Variants in RNF213 observed in about 807,000 individuals in gnomAD.
The protein encoded by RNF213 is ring finger protein 213.
A neutral mutation model predicts 514.4 loss-of-function variants in RNF213; 341 were observed. The observed-to-expected ratio is 0.66, with a 90% CI of 0.61 to 0.73. The LOEUF is 0.73. RNF213 is among the 30% of genes least tolerant of loss of function. The pLI, the probability that RNF213 is intolerant of heterozygous loss-of-function variation, is 0.00. For missense variants in RNF213, 5,767 were observed against 6,615.6 expected (o/e 0.87, Z 4.45); for synonymous variants, 2,655 against 2,658.2 (o/e 1.00, Z 0.04).
At chr17:80,341,282 G>A (rs1028391102) in intron 26 of RNF213, 1 of 152,230 alleles carries the variant, frequency 6.6e-6, no homozygotes, top group African/African-American at 2.4e-5. Flanking sequence ...GGCCTCTTTG[G>A]GGTTGATGTT....
At chr17:80,312,626 T>C (rs983543520) in intron 14 of RNF213, among the ~76,000 whole-genome samples, 5 of 152,198 alleles carry the variant, frequency 3.3e-5, no homozygotes, top group Admixed American at 2.0e-4. Context: ...GGAGCCTGGC[T>C]GTCTCCTGTG....
intron 46 of RNF213, among the ~76,000 whole-genome samples, chr17:80,370,726 C>A (rs1568147757): frequency 6.6e-6 from 1 of 152,146 alleles, no homozygotes; most frequent in African/African-American, 2.4e-5. Context: ...CATGACAAGC[C>A]CTGGGTTATC....
intron 59 of RNF213, 60 bp downstream of exon 59, chr17:80,383,988 G>A (rs1323019356): frequency 3.4e-5 from 54 of 1,601,672 alleles, no homozygotes; most frequent in Admixed American, 8.3e-5. Context: ...CAGCAGGCCT[G>A]AAGGCCCTGG....
Position 80,345,945 on chromosome 17 carries a change from G to A in RNF213, c.7610G>A (p.Arg2537His), listed in dbSNP as rs763681662. The A allele has an allele frequency of 2.4e-5, 39 of 1,614,100 alleles. No individual in the cohort carries two copies. The highest frequency in any genetic ancestry group is 6.7e-5 in the East Asian group (3 of 44,900). Reference sequence around the variant, plus strand: ...AAGCACTCTGAGGAGATGATCTGCCGTTTGGAGTCAGCTGGTTTGGGCTAC... The same window carrying A: ...AAGCACTCTGAGGAGATGATCTGCCATTTGGAGTCAGCTGGTTTGGGCTAC... ...YRKHSEEMICRLESAGLGYRV... is the reference protein window; with the variant it reads ...YRKHSEEMICHLESAGLGYRV... Residue 2537 changes from arginine (R) to histidine (H), a missense_variant, in exon 29 of 68, where the codon CGT becomes CAT. Transcript: ENST00000582970. The surrounding 1 kb of genome is among the most constrained non-coding windows in gnomAD (Gnocchi z 6.0).
rs2046442167 is a variant in RNF213, at chr17:80,332,464, A to C, written c.3976A>C (p.Thr1326Pro). The C allele has an allele frequency of 6.5e-7, 1 of 1,537,150 alleles. No individual in the cohort carries two copies. The highest frequency in any genetic ancestry group is 1.4e-5 in the African/African-American group (1 of 73,160). Residue 1326 changes from threonine (T) to proline (P), a missense_variant, in exon 21 of 68, where the codon ACC becomes CCC. Physicochemically the swap from Thr to Pro is conservative, Grantham distance 38 (BLOSUM62 -1). Transcript: ENST00000582970. ...GGATTCAGAACTTAAGATCATGTGC[A>C]CCGTGGACCACCAGGACCAAAGAGA... ...DLDSELKIMCTVDHQDQRDWI... is the reference protein window; with the variant it reads ...DLDSELKIMCPVDHQDQRDWI...
intron 23 of RNF213, chr17:80,336,594 T>C (rs2077993471): frequency 3.2e-6 from 2 of 628,222 alleles, no homozygotes; most frequent in Admixed American, 4.4e-5. Context: ...TAGTAATCTC[T>C]AAGGTGCAAA....
chr17:80,390,923 A>G lies in RNF213; in HGVS notation c.15470+727A>G, dbSNP rs151254584. On this transcript the variant is annotated intron_variant, in intron 67 of 67. Transcript: ENST00000582970. ...CTAAAAATACAAAAATTAGCCAGGC[A>G]TGGTGGTACACACCTGCAGTCCCAC... 7.7e-3 allele frequency among the ~76,000 whole-genome samples: 1,167 copies of G among 152,146 alleles called. 22 individuals carry two copies. The highest frequency in any genetic ancestry group is 0.026 in the African/African-American group (1,099 of 41,528).
At chr17:80,369,070 C>T (rs931346176) in intron 44 of RNF213, among the ~76,000 whole-genome samples, 1 of 152,124 alleles carries the variant, frequency 6.6e-6, no homozygotes, top group Non-Finnish European at 1.5e-5. Context: ...CTAGCTCTAA[C>T]GGGTGAGAGG....
In RNF213 at chr17:80,343,811, T is replaced by C. The variant is rs111285069; in HGVS notation, c.6184-46T>C. On this transcript the variant is annotated intron_variant, in intron 27 of 67. Transcript: ENST00000582970. This position sits in a 1 kb window ranked among gnomAD's most constrained non-coding sequence, Gnocchi z 4.3. ...AGGGGTTACTTAGAGTTGGGAGAAC[T>C]CGCCATCGTGTCGTGTGTTTACACC... 9.2e-5 allele frequency: 148 copies of C among 1,607,060 alleles called. 1 individual carries two copies. In the African/African-American group the frequency reaches 1.5e-3, roughly 17 times the overall value.
In RNF213 at chr17:80,396,189, G is replaced by A. The variant is rs1314817280; in HGVS notation, c.*2691G>A. The A allele has an allele frequency of 6.6e-6, 1 of 152,142 alleles. No individual in the cohort carries two copies. Among genetic ancestry groups the A allele is most frequent in the Non-Finnish European group, 1.5e-5 (1 of 68,088 alleles). The allele number at this position is 152,142 out of a possible 1,614,324, so 9.4% of individuals were successfully genotyped here. On this transcript the variant is annotated 3_prime_UTR_variant, in exon 68 of 68. Coordinates refer to ENST00000582970, the MANE Select transcript of RNF213 (RefSeq NM_001256071.3). ...AGGTATGAGGATTGCTTGAGCCTGG[G>A]AGTTTGAGGCTGCAGTGAGCTATGA...
At chr17:80,295,037 G>C in intron 9 of RNF213, 34 bp downstream of exon 9, 1 of 1,612,986 alleles carries the variant, frequency 6.2e-7, no homozygotes, top group Non-Finnish European at 8.5e-7. Context: ...TCTACCTGCT[G>C]GGCAGGAGCC....
At chr17:80,311,652 G>A (rs2045578033) in intron 14 of RNF213, among the ~76,000 whole-genome samples, 1 of 152,148 alleles carries the variant, frequency 6.6e-6, no homozygotes, top group Admixed American at 6.5e-5. Flanking sequence ...GTGTTCCCCT[G>A]CCTGCTGTGG....
chr17:80,373,647 C>G (rs974227613), intron 49 of RNF213, among the ~76,000 whole-genome samples: 6 of 152,158 alleles, frequency 3.9e-5, no homozygotes, highest in African/African-American at 1.4e-4. Flanking sequence ...CTTTTTACCT[C>G]TGGCAGGCAG....
chr17:80,393,413 A>G lies in RNF213; in HGVS notation c.15539A>G (p.Gln5180Arg). The change falls in exon 68 of 68, where the codon CAG becomes CGG. Residue 5180 changes from glutamine (Q) to arginine (R), a missense_variant. By Grantham distance (43) the Gln-to-Arg change is conservative. Coordinates refer to ENST00000582970, the MANE Select transcript of RNF213 (RefSeq NM_001256071.3). ...ESEILPEMAS[Q>R]FPEEILLASC... Reference sequence around the variant, plus strand: ...GAAATTCTTCCTGAAATGGCATCTCAGTTCCCAGAAGAGATACTGCTCGCC... The same window carrying G: ...GAAATTCTTCCTGAAATGGCATCTCGGTTCCCAGAAGAGATACTGCTCGCC... 6.2e-7 allele frequency: 1 copy of G among 1,613,832 alleles called. No individual in the cohort carries two copies. The highest frequency in any genetic ancestry group is 2.2e-5 in the East Asian group (1 of 44,886).
chr17:80,349,662 T>G (rs2078433582), intron 29 of RNF213, 108 bp from the exon 30 acceptor site: 1 of 1,224,984 alleles, frequency 8.2e-7, no homozygotes, highest in South Asian at 1.2e-5. Context: ...GTGTGGCAAC[T>G]GCACCGCGCT....
chr17:80,379,313 GA>G, intron 54 of RNF213: 1 of 404,556 alleles, frequency 2.5e-6, no homozygotes, highest in Non-Finnish European at 4.7e-6. Context: ...TGGAGGGATG[GA>G]AAAAGTGCTG....
In RNF213 at chr17:80,372,971, T is replaced by C; in HGVS notation, c.12752-4T>C. 2 of 1,613,258 alleles carry C rather than the reference T, an allele frequency of 1.2e-6. No individual in the cohort carries two copies. Among genetic ancestry groups the C allele is most frequent in the Non-Finnish European group, 1.7e-6 (2 of 1,179,692 alleles). On this transcript the variant is annotated splice_region_variant and splice_polypyrimidine_tract_variant and intron_variant, in intron 48 of 67. Coordinates refer to ENST00000582970, the MANE Select transcript of RNF213 (RefSeq NM_001256071.3). ...ACTCACCCGCTTTCTCGTTGGCCTC[T>C]CAGAGATGGCCAAGGAGAAGCAGTG...
At chr17:80,362,240 A>G (rs2079083404) in intron 39 of RNF213, among the ~76,000 whole-genome samples, 1 of 152,258 alleles carries the variant, frequency 6.6e-6, no homozygotes, top group Non-Finnish European at 1.5e-5. Flanking sequence ...GTGAAATTCA[A>G]TAGAAAGTCA....
chr17:80,306,172 C>T, intron 11 of RNF213, 80 bp from the exon 12 acceptor site: 1 of 1,340,648 alleles, frequency 7.5e-7, no homozygotes, highest in Non-Finnish European at 1.1e-6. Flanking sequence ...CTGTTTCTGT[C>T]CCTCCAGCAT....
Sources: gnomAD v4.1 joint callset for allele counts (sites outside exome capture counted in the v4.1 genomes callset) on GRCh38, gnomAD v4.1.1 for gene constraint, Gnocchi (gnomAD v3.1) non-coding constraint, MANE v1.5 for transcripts, NCBI Gene and HGNC (gene_info 2026-07-23, HGNC 2026-07-21) for gene names.